VPS53: variants seen among roughly 807,000 people sequenced by gnomAD.
The protein encoded by VPS53 is vacuolar protein sorting-associated protein 53 homolog.
A neutral mutation model predicts 107.0 loss-of-function variants in VPS53; 70 were observed. The observed-to-expected ratio is 0.65, with a 90% confidence interval of 0.54 to 0.80. VPS53 has a LOEUF of 0.80. Among genes scored for constraint, VPS53 ranks in the 30% least tolerant of loss-of-function variants. VPS53 has a pLI of 0.00. For missense variants in VPS53, 917 were observed against 1,049.4 expected (o/e 0.87, Z 1.74); for synonymous variants, 409 against 393.3 (o/e 1.04, Z -0.47).
chr17:537,079 T>G lies in VPS53; in HGVS notation c.1964A>C (p.Asn655Thr). ...GAAGTACTTGCGTGTGGAAGCCAGG[T>G]TGTCACGGATGATGGGGACGTTCTG... is the stretch of plus-strand genomic sequence containing the variant. ...IKQNVPIIRD[N>T]LASTRKYFTQ... Residue 655 changes from asparagine (N) to threonine (T), a missense_variant, in exon 18 of 22, where the codon AAC becomes ACC. Coordinates refer to ENST00000437048, the MANE Select transcript of VPS53 (RefSeq NM_001128159.3). The G allele has an allele frequency of 6.2e-7, 1 of 1,614,164 alleles. No individual in the cohort carries two copies. The highest frequency in any genetic ancestry group is 8.5e-7 in the Non-Finnish European group (1 of 1,180,032).
chr17:521,029 C>T (rs768861821), intron 20 of VPS53, among the ~76,000 whole-genome samples: 1 of 152,164 alleles, frequency 6.6e-6, no homozygotes. Flanking sequence ...CTTTTAAGAC[C>T]ACATCACCAC....
chr17:670,138 AGT>A (rs1462034350), intron 4 of VPS53, among the ~76,000 whole-genome samples: 1 of 152,126 alleles, frequency 6.6e-6, no homozygotes, highest in East Asian at 1.9e-4. Context: ...TGCATCCTAA[AGT>A]GTTATAAAGC....
At chr17:712,566 T>C (rs1973684741) in intron 1 of VPS53, among the ~76,000 whole-genome samples, 1 of 152,118 alleles carries the variant, frequency 6.6e-6, no homozygotes, top group African/African-American at 2.4e-5. Flanking sequence ...TCCTCACACA[T>C]CACTACTCTT....
In VPS53 at chr17:625,346, C is replaced by T. The variant is rs1287847141; in HGVS notation, c.975-1672G>A. ...ATGGAGCTCAGTGCACCTGTAGTTG[C>T]AGCTACTTGGGTGGCTGAAGCAGGA... On this transcript the variant is annotated intron_variant, in intron 10 of 21. Transcript: ENST00000437048. Among the ~76,000 whole-genome samples the T allele has an allele frequency of 1.3e-5, 2 of 152,040 alleles. 1 individual carries two copies. The highest frequency in any genetic ancestry group is 1.3e-4 in the Admixed American group (2 of 15,244).
At chr17:627,478 A>G (rs1200097746) in intron 9 of VPS53, among the ~76,000 whole-genome samples, 162 bp from the exon 10 acceptor site, 1 of 152,184 alleles carries the variant, frequency 6.6e-6, no homozygotes, top group African/African-American at 2.4e-5. Flanking sequence ...TTTTTTACTT[A>G]AAAATTCAGA....
At chr17:642,893 A>C (rs1354970588) in intron 7 of VPS53, among the ~76,000 whole-genome samples, 35 of 136,812 alleles carry the variant, frequency 2.6e-4, no homozygotes, top group African/African-American at 4.3e-4. Context: ...TCATACTTGG[A>C]AATCGAGGAC....
At chr17:679,130 T>TCCA (rs1451718340) in intron 4 of VPS53, among the ~76,000 whole-genome samples, 1 of 152,020 alleles carries the variant, frequency 6.6e-6, no homozygotes, top group Non-Finnish European at 1.5e-5. Context: ...GACAAATATA[T>TCCA]CCAAGTGCAA....
chr17:618,158 C>T (rs1460052581), intron 11 of VPS53, among the ~76,000 whole-genome samples: 16 of 69,514 alleles, frequency 2.3e-4, no homozygotes, highest in African/African-American at 9.9e-4. Flanking sequence ...TGCGCCACCA[C>T]GCCCCACTAA....
intron 19 of VPS53, among the ~76,000 whole-genome samples, chr17:527,048 A>T (rs1909171605): frequency 6.6e-6 from 1 of 152,236 alleles, no homozygotes; most frequent in Non-Finnish European, 1.5e-5. Flanking sequence ...TTTTCTTTTT[A>T]AAAAAATTAG....
intron 7 of VPS53, among the ~76,000 whole-genome samples, chr17:646,336 T>C (rs1005683527): frequency 6.2e-5 from 8 of 129,114 alleles, no homozygotes; most frequent in South Asian, 2.6e-4. Context: ...TTATTTTTTC[T>C]AATCCATACT....
chr17:683,307 A>G (rs1486321000), intron 4 of VPS53, among the ~76,000 whole-genome samples: 3 of 152,194 alleles, frequency 2.0e-5, no homozygotes, highest in Admixed American at 2.0e-4. Flanking sequence ...CCCAAGAGGA[A>G]TAAGGGTTGA....
intron 7 of VPS53, chr17:632,802 C>T (rs749663067): frequency 8.8e-6 from 4 of 456,132 alleles, no homozygotes; most frequent in Non-Finnish European, 1.8e-5. Flanking sequence ...TTTCACATCA[C>T]GTCCAGTTCA....
intron 19 of VPS53, among the ~76,000 whole-genome samples, chr17:523,891 C>T (rs977456062): frequency 2.0e-5 from 3 of 152,160 alleles, no homozygotes; most frequent in African/African-American, 4.8e-5. Flanking sequence ...CTGGCGTTAG[C>T]GCACTTTCCA....
At chr17:643,857 ACCCAGGAGG>A (rs1970567048) in intron 7 of VPS53, among the ~76,000 whole-genome samples, 1 of 152,264 alleles carries the variant, frequency 6.6e-6, no homozygotes, top group South Asian at 2.1e-4. Flanking sequence ...ATACGTGTCA[ACCCAGGAGG>A]CCCAGGAGGA....
intron 4 of VPS53, among the ~76,000 whole-genome samples, chr17:689,464 A>ATTTTT (rs1184638230): frequency 7.2e-5 from 8 of 111,636 alleles, no homozygotes; most frequent in Non-Finnish European, 1.2e-4. Context: ...TGCTGGACTA[A>ATTTTT]TTTTTTTTTT....
chr17:569,453 C>T (rs929743320), intron 13 of VPS53, among the ~76,000 whole-genome samples: 1 of 152,152 alleles, frequency 6.6e-6, no homozygotes, highest in Non-Finnish European at 1.5e-5. Context: ...TATAGGTATA[C>T]ATTTATTCCA....
rs1377975012 is a variant in VPS53 at position 514,445 on chromosome 17, TAGCCAAGGAATCCCATTTCCAGC to T, written c.*4660_*4682del. 8.2e-3 allele frequency: 1,062 copies of T among 128,874 alleles called. 1 individual carries two copies. Among genetic ancestry groups the T allele is most frequent in the East Asian group, 0.024 (99 of 4,166 alleles). The allele number at this position is 128,874 out of a possible 1,614,324, so 8.0% of individuals were successfully genotyped here. On this transcript the variant is annotated 3_prime_UTR_variant, in exon 22 of 22. Coordinates refer to ENST00000437048, the MANE Select transcript of VPS53 (RefSeq NM_001128159.3). The stretch of plus-strand genomic sequence containing the variant: ...AGCAGGTTATTCTGAGTGCTCTTCC[TAGCCAAGGAATCCCATTTCCAGC>T]AGGTTATTCTGAGTGCTCTTCCTAG...
chr17:558,564 G>C (rs1000639995), intron 15 of VPS53, among the ~76,000 whole-genome samples: 11 of 152,178 alleles, frequency 7.2e-5, no homozygotes, highest in Non-Finnish European at 1.5e-4. Context: ...AACCCGGCAG[G>C]GGGAGCTTGC....
chr17:549,700 G>A (rs1418393749), intron 17 of VPS53, among the ~76,000 whole-genome samples: 1 of 152,188 alleles, frequency 6.6e-6, no homozygotes, highest in East Asian at 1.9e-4. Context: ...ATCCCACTCA[G>A]GATGTAGAGA....
Sources: gnomAD v4.1 joint callset for allele counts (sites outside exome capture counted in the v4.1 genomes callset) on GRCh38, gnomAD v4.1.1 for gene constraint, MANE v1.5 for transcripts, NCBI Gene and HGNC (gene_info 2026-07-23, HGNC 2026-07-21) for gene names.